The following TSPAN3 variants were observed in gnomAD, a reference collection of about 807,000 sequenced individuals.
TSPAN3 encodes tetraspanin 3.
A neutral mutation model predicts 31.1 loss-of-function variants in TSPAN3; 9 were observed. That is an observed-to-expected ratio of 0.29 (90% CI 0.17 to 0.50). The LOEUF (loss-of-function observed/expected upper bound fraction) is 0.50, where lower values mean the gene tolerates loss of function less well. TSPAN3 is among the 20% of genes least tolerant of loss of function. TSPAN3 has a pLI of 0.98. For synonymous variants in TSPAN3, 129 were observed against 114.3 expected (o/e 1.13, Z -0.82); for missense variants, 252 against 313.5 (o/e 0.80, Z 1.48).
chr15:77,054,402 A>G (rs1320630364), intron 3 of TSPAN3, 123 bp from the exon 4 acceptor site: 3 of 669,058 alleles, frequency 4.5e-6, no homozygotes, highest in East Asian at 2.8e-5. Context: ...AATTTCCTGT[A>G]AAGTTTTCTC....
intron 1 of TSPAN3, among the ~76,000 whole-genome samples, chr15:77,058,938 T>G (rs1362844508): frequency 1.3e-5 from 2 of 152,236 alleles, no homozygotes; most frequent in African/African-American, 4.8e-5. Context: ...ATATAAACAC[T>G]GTACTTACAG....
At position 77,042,307 on chromosome 15, in the gene TSPAN3, TAAAA is replaced by T. The variant is rs2076664583; in HGVS notation, c.*4524_*4527del. 6.6e-6 allele frequency: 1 copy of T among 152,192 alleles called. No homozygotes were observed. Among genetic ancestry groups the T allele is most frequent in the Non-Finnish European group, 1.5e-5 (1 of 68,018 alleles). The allele number at this position is 152,192 out of a possible 1,614,324, so 9.4% of individuals were successfully genotyped here. A position where few individuals can be genotyped will look rare whatever the true frequency, so the allele number is the denominator to read the frequency against. ...TTACTTTTGTTTAAAAAAATACACT[TAAAA>T]AAGGCAGTAAGACAAGCTCTGTCAA... is the stretch of plus-strand genomic sequence containing the variant. On this transcript the variant is annotated 3_prime_UTR_variant, in exon 7 of 7. Coordinates refer to ENST00000267970, the MANE Select transcript of TSPAN3 (RefSeq NM_005724.6).
At chr15:77,070,800 C>T in intron 1 of TSPAN3, 92 bp downstream of exon 1, 1 of 751,960 alleles carries the variant, frequency 1.3e-6, no homozygotes, top group Non-Finnish European at 1.6e-6. Context: ...CCCGCGCGCC[C>T]GCCCAGGCCC....
chr15:77,061,189 G>A (rs2076798318), intron 1 of TSPAN3, among the ~76,000 whole-genome samples: 1 of 152,074 alleles, frequency 6.6e-6, no homozygotes, highest in South Asian at 2.1e-4. Context: ...TAGTTTTTGG[G>A]GGGGTAATTT....
At chr15:77,062,342 G>A (rs530879413) in intron 1 of TSPAN3, among the ~76,000 whole-genome samples, 39 of 152,212 alleles carry the variant, frequency 2.6e-4, no homozygotes, top group African/African-American at 8.4e-4. Flanking sequence ...TGATAGAACA[G>A]TTTACGTCAC....
intron 1 of TSPAN3, among the ~76,000 whole-genome samples, chr15:77,069,169 G>A (rs1209499713): frequency 6.6e-6 from 1 of 152,176 alleles, no homozygotes; most frequent in Non-Finnish European, 1.5e-5. Flanking sequence ...GTGCTCTTGG[G>A]CCAGAGATTG....
intron 1 of TSPAN3, chr15:77,064,202 T>G (rs1029618219): frequency 6.8e-6 from 1 of 147,044 alleles, no homozygotes; most frequent in Non-Finnish European, 1.5e-5. Flanking sequence ...CAATAAAGAC[T>G]TACTTGAGAC....
Position 77,055,846 on chromosome 15 carries a change from G to C in TSPAN3, c.273C>G (p.Leu91=), listed in dbSNP as rs1171588992. The change falls in exon 3 of 7, where the codon CTC becomes CTG. Residue 91 remains leucine, a synonymous_variant. Coordinates refer to ENST00000267970, the MANE Select transcript of TSPAN3 (RefSeq NM_005724.6). ...CGLATFVIIL[L]LVFVTEVVVV... is the part of the protein sequence containing the mutation. ...CAACAACTTCTGTGACAAAAACCAA[G>C]AGCAGGATGATGACAAACTGTAAGA... The C allele has an allele frequency of 1.9e-6, 3 of 1,610,456 alleles. No homozygotes were observed. The highest frequency in any genetic ancestry group is 2.2e-5 in the East Asian group (1 of 44,776).
At position 77,044,736 on chromosome 15, in the gene TSPAN3, G is replaced by C. The variant is rs779400806; in HGVS notation, c.*2099C>G. 24 of 152,312 alleles carry C rather than the reference G, an allele frequency of 1.6e-4. No individual in the cohort carries two copies. Among genetic ancestry groups the C allele is most frequent in the Non-Finnish European group, 2.8e-4 (19 of 68,126 alleles). 9.4% of individuals were successfully genotyped at this position (152,312 alleles called of 1,614,324 possible). On this transcript the variant is annotated 3_prime_UTR_variant, in exon 7 of 7. Coordinates refer to ENST00000267970, the MANE Select transcript of TSPAN3 (RefSeq NM_005724.6). The stretch of plus-strand genomic sequence containing the variant: ...AGCCATTTCCCACTCTAGAGGCCCT[G>C]TTCTGTCCTGTAGAAAGAGTGGAGA...
chr15:77,059,499 T>C (rs112119729), intron 1 of TSPAN3, among the ~76,000 whole-genome samples: 3,396 of 152,302 alleles, frequency 0.022, 85 homozygotes, highest in African/African-American at 0.074. Flanking sequence ...CACACACATG[T>C]ACACACACAC....
intron 1 of TSPAN3, among the ~76,000 whole-genome samples, chr15:77,065,187 C>T (rs1158912422): frequency 6.6e-6 from 1 of 152,170 alleles, no homozygotes; most frequent in Non-Finnish European, 1.5e-5. Flanking sequence ...GACCCAATCA[C>T]TTTATCACAT....
chr15:77,070,970 C>T lies in TSPAN3; in HGVS notation c.-16G>A, dbSNP rs1401921694. The T allele has an allele frequency of 4.1e-5, 58 of 1,424,522 alleles. No homozygotes were observed. Among genetic ancestry groups the T allele is most frequent in the Non-Finnish European group, 5.3e-5 (57 of 1,082,178 alleles). 88.2% of individuals were successfully genotyped at this position (1,424,522 alleles called of 1,614,324 possible). A position where few individuals can be genotyped will look rare whatever the true frequency, so the allele number is the denominator to read the frequency against. On this transcript the variant is annotated 5_prime_UTR_variant, in exon 1 of 7. Coordinates refer to ENST00000267970, the MANE Select transcript of TSPAN3 (RefSeq NM_005724.6). ...ACTGGCCCATGGCGCCGGTGGCCCG[C>T]GAAGGCCCGGCCCGGAGAGCGGGGC...
At chr15:77,065,157 T>C (rs74353578) in intron 1 of TSPAN3, among the ~76,000 whole-genome samples, 2,632 of 152,296 alleles carry the variant, frequency 0.017, 84 homozygotes, top group African/African-American at 0.06. Flanking sequence ...CTCCAGATTT[T>C]TTTTGCCAAC....
intron 1 of TSPAN3, chr15:77,070,121 G>A (rs759433699): frequency 6.6e-6 from 1 of 152,130 alleles, no homozygotes; most frequent in Non-Finnish European, 1.5e-5. Context: ...GATGAGATAA[G>A]GACCCAAACT....
At position 77,054,203 on chromosome 15, in the gene TSPAN3, C is replaced by T. The variant is rs1233955961; in HGVS notation, c.407G>A (p.Arg136Gln). Residue 136 changes from arginine (R) to glutamine (Q), a missense_variant, in exon 4 of 7, where the codon CGG becomes CAG. Coordinates refer to ENST00000267970, the MANE Select transcript of TSPAN3 (RefSeq NM_005724.6). ...YNGTNPDAAS[R>Q]AIDYVQRQLH... Reference sequence around the variant, plus strand: ...CTGTCTCTGTACATAATCAATAGCCCGGCTAGCAGCATCAGGGTTGGTTCC... The same window carrying T: ...CTGTCTCTGTACATAATCAATAGCCTGGCTAGCAGCATCAGGGTTGGTTCC... 2.5e-6 allele frequency: 4 copies of T among 1,613,922 alleles called. No individual in the cohort carries two copies. Among genetic ancestry groups the T allele is most frequent in the South Asian group, 1.1e-5 (1 of 91,072 alleles).
intron 4 of TSPAN3, 97 bp from the exon 5 acceptor site, chr15:77,053,026 G>A: frequency 8.5e-7 from 1 of 1,176,262 alleles, no homozygotes; most frequent in South Asian, 1.6e-5. Context: ...CTAGACCAGT[G>A]ATGTCCGATA....
At chr15:77,055,401 T>C (rs1183841846) in intron 3 of TSPAN3, 3 of 165,856 alleles carry the variant, frequency 1.8e-5, no homozygotes, top group African/African-American at 4.8e-5. Flanking sequence ...TTTTCTATGT[T>C]TAGGACCAAA....
At position 77,042,755 on chromosome 15, in the gene TSPAN3, C is replaced by T. The variant is rs1023379709; in HGVS notation, c.*4080G>A. On this transcript the variant is annotated 3_prime_UTR_variant, in exon 7 of 7. Transcript: ENST00000267970. ...ATCAGCAACATTTGCTGAACCTGGTCGGGGAATGGGGAAGAGTCTCATGAG... is the reference window on the plus strand; with the variant it reads ...ATCAGCAACATTTGCTGAACCTGGTTGGGGAATGGGGAAGAGTCTCATGAG... 2 of 151,930 alleles carry T rather than the reference C, an allele frequency of 1.3e-5. No individual in the cohort carries two copies. Among genetic ancestry groups the T allele is most frequent in the East Asian group, 3.9e-4 (2 of 5,186 alleles). The allele number at this position is 151,930 out of a possible 1,614,324, so 9.4% of individuals were successfully genotyped here.
rs190061534 is a variant in TSPAN3 at position 77,054,481 on chromosome 15, C to T, written c.331-202G>A. The T allele has an allele frequency of 7.2e-6, 3 of 416,670 alleles. No homozygotes were observed. The Admixed American group carries it at 1.1e-4, about 15-fold the overall frequency. The allele number at this position is 416,670 out of a possible 1,614,324, so 25.8% of individuals were successfully genotyped here. On this transcript the variant is annotated intron_variant, in intron 3 of 6. Coordinates refer to ENST00000267970, the MANE Select transcript of TSPAN3 (RefSeq NM_005724.6). Reference sequence around the variant, plus strand: ...GGGAGAAAAGTGACAGGTAAAAATTCAGACATATACCACATACATTCAAGC... The same window carrying T: ...GGGAGAAAAGTGACAGGTAAAAATTTAGACATATACCACATACATTCAAGC...
Sources: allele counts gnomAD v4.1 joint callset (sites outside exome capture counted in the v4.1 genomes callset), GRCh38; gene constraint gnomAD v4.1.1; transcripts MANE v1.5; gene names NCBI Gene and HGNC (gene_info 2026-07-23, HGNC 2026-07-21).